Variants in COPE observed in about 807,000 individuals in gnomAD.
The protein encoded by COPE is coat protein complex I subunit epsilon, also known as coatomer subunit epsilon.
A neutral mutation model predicts 42.1 loss-of-function variants in COPE; 19 were observed. The ratio of observed to expected loss-of-function variants is 0.45; its 90% CI spans 0.31 to 0.66. The LOEUF is 0.66. Ranked by LOEUF, COPE falls within the 30% of genes least tolerant of loss-of-function variation. The pLI, the probability that COPE is intolerant of heterozygous loss-of-function variation, is 0.05. For missense variants in COPE, 402 were observed against 416.1 expected (o/e 0.97, Z 0.30); for synonymous variants, 195 against 181.3 (o/e 1.08, Z -0.60).
intron 1 of COPE, 30 bp downstream of exon 1, chr19:18,919,193 C>A (rs753923275): frequency 5.3e-5 from 84 of 1,591,318 alleles, no homozygotes; most frequent in Admixed American, 7.0e-5. Context: ...CCTCCGCCCC[C>A]AGCGTCCCCG....
At chr19:18,906,071 G>T (rs1029574509) in intron 4 of COPE, 24 of 402,166 alleles carry the variant, frequency 6.0e-5, no homozygotes, top group Non-Finnish European at 1.0e-4. Context: ...CTCAGCCCCA[G>T]GTGGCTGTGA....
At chr19:18,918,204 G>A (rs55857467) in intron 1 of COPE, among the ~76,000 whole-genome samples, 66,992 of 110,746 alleles carry the variant, frequency 0.6, 22,036 homozygotes, top group African/African-American at 0.75. Context: ...AAAAAAAAAA[G>A]AAAAGAAAAG....
At chr19:18,916,396 G>C (rs753201042) in intron 1 of COPE, among the ~76,000 whole-genome samples, 1 of 151,818 alleles carries the variant, frequency 6.6e-6, no homozygotes, top group Non-Finnish European at 1.5e-5. Context: ...GCTCACACCT[G>C]TAATCCCAGC....
At chr19:18,905,203 G>A (rs1440648580) in intron 5 of COPE, among the ~76,000 whole-genome samples, 1 of 152,046 alleles carries the variant, frequency 6.6e-6, no homozygotes, top group Non-Finnish European at 1.5e-5. Context: ...GGGGAGTCCT[G>A]GACCCCCAGC....
At chr19:18,913,276 G>T (rs2056827502) in intron 1 of COPE, among the ~76,000 whole-genome samples, 1 of 152,234 alleles carries the variant, frequency 6.6e-6, no homozygotes. Context: ...CAGGAAGGAG[G>T]CTTGCTCCCA....
chr19:18,917,665 G>T (rs995082504), intron 1 of COPE, among the ~76,000 whole-genome samples: 2 of 152,006 alleles, frequency 1.3e-5, no homozygotes, highest in Non-Finnish European at 2.9e-5. Flanking sequence ...GCCCGGCCAG[G>T]AAATCACTTC....
chr19:18,902,110 G>A (rs1343399658), intron 7 of COPE, among the ~76,000 whole-genome samples: 1 of 146,666 alleles, frequency 6.8e-6, no homozygotes, highest in Non-Finnish European at 1.5e-5. Flanking sequence ...AACCCAGGAG[G>A]CAGAGCTTGC....
chr19:18,911,769 GTC>G (rs772841678), intron 2 of COPE, among the ~76,000 whole-genome samples: 5 of 151,320 alleles, frequency 3.3e-5, no homozygotes, highest in African/African-American at 4.9e-5. Context: ...AGCCAGGATG[GTC>G]TCAATCTCCT....
At chr19:18,910,774 G>C in intron 3 of COPE, 197 bp downstream of exon 3, 1 of 604,166 alleles carries the variant, frequency 1.7e-6, no homozygotes, top group South Asian at 1.9e-5. Context: ...CTTTGAAGCA[G>C]GATCCATCAC....
At chr19:18,909,404 G>A (rs538227302) in intron 3 of COPE, among the ~76,000 whole-genome samples, 5 of 152,324 alleles carry the variant, frequency 3.3e-5, no homozygotes, top group East Asian at 1.9e-4. Context: ...GGGCAAGGCC[G>A]TCCCAGGCCT....
chr19:18,911,892 C>T (rs552517329), intron 2 of COPE, among the ~76,000 whole-genome samples: 1 of 148,900 alleles, frequency 6.7e-6, no homozygotes, highest in Non-Finnish European at 1.5e-5. Context: ...CTCTTGGTGC[C>T]CAGGCTGGAG....
Position 18,903,374 on chromosome 19 carries a change from T to A in COPE, c.629A>T (p.Asp210Val). The change falls in exon 7 of 10, where the codon GAC becomes GTC. Residue 210 changes from aspartate to valine, a missense_variant. Physicochemically the swap from Asp to Val is radical, Grantham distance 152. Coordinates refer to ENST00000262812, the MANE Select transcript of COPE (RefSeq NM_007263.4). Reference sequence around the variant, plus strand: ...CAGCAGCAGGGTGGGCGAGCACTTGTCAGCCATCTCCTGGAAGATGTAGTA... The same window carrying A: ...CAGCAGCAGGGTGGGCGAGCACTTGACAGCCATCTCCTGGAAGATGTAGTA... ...DAYYIFQEMA[D>V]KCSPTLLLLN... is the part of the protein sequence containing the mutation. 6.2e-7 allele frequency: 1 copy of A among 1,613,262 alleles called. No individual in the cohort carries two copies. Among genetic ancestry groups the A allele is most frequent in the East Asian group, 2.2e-5 (1 of 44,784 alleles).
rs147914681 is a variant in COPE at position 18,917,807 on chromosome 19, G to C, written c.126+1416C>G. On this transcript the variant is annotated intron_variant, in intron 1 of 9. Coordinates refer to ENST00000262812, the MANE Select transcript of COPE (RefSeq NM_007263.4). ...ATACAACGGGCCCCAGTAAAACAGT[G>C]GGCCTTAATAAGCACATTCCTTTCC... 4.6e-3 allele frequency among the ~76,000 whole-genome samples: 696 copies of C among 152,178 alleles called. 4 individuals carry two copies. Among genetic ancestry groups the C allele is most frequent in the African/African-American group, 0.016 (664 of 41,508 alleles).
intron 3 of COPE, chr19:18,910,543 C>T (rs2056799698): frequency 5.5e-6 from 1 of 181,922 alleles, no homozygotes; most frequent in Non-Finnish European, 1.2e-5. Flanking sequence ...CGAGATCTCA[C>T]CACTGCAACT....
intron 3 of COPE, among the ~76,000 whole-genome samples, chr19:18,908,431 A>AAGCAAC (rs1212470469): frequency 6.6e-6 from 1 of 151,862 alleles, no homozygotes; most frequent in South Asian, 2.1e-4. Flanking sequence ...TCTCAAAAAC[A>AAGCAAC]AGCAACAGCA....
chr19:18,903,540 C>G, intron 6 of COPE, 117 bp from the exon 7 acceptor site: 1 of 1,194,774 alleles, frequency 8.4e-7, no homozygotes, highest in African/African-American at 1.6e-5. Context: ...CTGGTGTGCC[C>G]GGTTCAAGGC....
chr19:18,917,002 G>A lies in COPE; in HGVS notation c.126+2221C>T, dbSNP rs1009544591. Among the ~76,000 whole-genome samples the A allele has an allele frequency of 5.6e-4, 81 of 144,902 alleles. 1 individual carries two copies. Among genetic ancestry groups the A allele is most frequent in the African/African-American group, 1.9e-3 (75 of 38,920 alleles). On this transcript the variant is annotated intron_variant, in intron 1 of 9. Transcript: ENST00000262812. ...TTCACAGTCACAGTCCTGGAGGCCA[G>A]AAGTCCCAAATCAAGGTGTCAGCAG...
intron 4 of COPE, chr19:18,906,068 C>G: frequency 2.5e-6 from 1 of 402,746 alleles, no homozygotes. Flanking sequence ...CCTCTCAGCC[C>G]CAGGTGGCTG....
chr19:18,910,083 GC>G (rs2056795964), intron 3 of COPE, among the ~76,000 whole-genome samples: 1 of 152,280 alleles, frequency 6.6e-6, no homozygotes, highest in African/African-American at 2.4e-5. Context: ...GCCTCCGTGG[GC>G]CAAGGAAGAG....
Sources: allele counts gnomAD v4.1 joint callset (sites outside exome capture counted in the v4.1 genomes callset), GRCh38; gene constraint gnomAD v4.1.1; transcripts MANE v1.5; gene names NCBI Gene and HGNC (gene_info 2026-07-23, HGNC 2026-07-21).